Variants in GAS7 observed in about 807,000 individuals in gnomAD.
GAS7 encodes growth arrest-specific protein 7.
In GAS7, 28 loss-of-function variants were observed where a neutral mutation model predicts 71.1. That is an observed-to-expected ratio of 0.39 (90% CI 0.29 to 0.54). GAS7 has a LOEUF of 0.54. GAS7 is among the 20% of genes least tolerant of loss of function. The pLI is 0.62. For synonymous variants in GAS7, 258 were observed against 245.8 expected, an observed-to-expected ratio of 1.05 and a Z score of -0.46; for missense variants, 436 against 627.8, an observed-to-expected ratio of 0.69 and a Z score of 3.27.
rs776188465 is a variant in GAS7 at position 9,934,242 on chromosome 17, G to A, written c.809C>T (p.Ser270Phe). The change falls in exon 9 of 14, where the codon TCC becomes TTC. Residue 270 changes from serine (S) to phenylalanine (F), a missense_variant and splice_region_variant. Physicochemically the swap from Ser to Phe is radical, Grantham distance 155 (BLOSUM62 -2). Coordinates refer to ENST00000432992, the MANE Select transcript of GAS7 (RefSeq NM_201433.2). The part of the protein sequence containing the change: ...QNSLASQEEG[S>F]LGEAWAQVKK... ...CACCTGGGCCCACGCCTCTCCCAAG[G>A]AGCTGCAACACAAAGACCATGAGAC... 6.2e-7 allele frequency: 1 copy of A among 1,606,256 alleles called. No individual in the cohort carries two copies. Among genetic ancestry groups the A allele is most frequent in the Non-Finnish European group, 8.5e-7 (1 of 1,173,788 alleles).
chr17:9,993,223 A>G (rs2070913361), intron 2 of GAS7, among the ~76,000 whole-genome samples: 1 of 151,570 alleles, frequency 6.6e-6, no homozygotes, highest in Non-Finnish European at 1.5e-5. Flanking sequence ...TCCCACCAAC[A>G]GTGTAAAAGT....
chr17:10,145,489 T>C (rs547655032), intron 1 of GAS7, among the ~76,000 whole-genome samples: 1 of 152,258 alleles, frequency 6.6e-6, no homozygotes, highest in African/African-American at 2.4e-5. Flanking sequence ...GATGAAACCT[T>C]ACAAGGCCCT....
chr17:9,917,444 C>A lies in GAS7; in HGVS notation c.1318-103G>T, dbSNP rs913570248. The A allele has an allele frequency of 7.1e-6, 6 of 843,116 alleles. No individual in the cohort carries two copies. The South Asian group carries it at 8.9e-5, about 13-fold the overall frequency. The allele number at this position is 843,116 out of a possible 1,614,324, so 52.2% of individuals were successfully genotyped here. A position where few individuals can be genotyped will look rare whatever the true frequency, so the allele number is the denominator to read the frequency against. On this transcript the variant is annotated intron_variant, in intron 13 of 13. Transcript: ENST00000432992. ...CTCACCTTAGTGTCTCTGAGAGCAG[C>A]CTCTCTAGAGGGCTCCGGGGCCCCA...
chr17:9,993,289 T>C (rs1268181602), intron 2 of GAS7, among the ~76,000 whole-genome samples: 3 of 152,172 alleles, frequency 2.0e-5, no homozygotes, highest in Non-Finnish European at 2.9e-5. Flanking sequence ...TTTCTAATGA[T>C]TGCCATTCTA....
intron 1 of GAS7, among the ~76,000 whole-genome samples, chr17:10,138,661 G>A (rs61650536): frequency 0.11 from 17,425 of 152,018 alleles, 1,997 homozygotes; most frequent in East Asian, 0.45. Context: ...CAGCTACTCA[G>A]GAGGCTGAGG....
At position 9,915,679 on chromosome 17, in the gene GAS7, G is replaced by C. The variant is rs2067564597; in HGVS notation, c.*1549C>G. On this transcript the variant is annotated 3_prime_UTR_variant, in exon 14 of 14. Transcript: ENST00000432992. ...TTCTAGCACGTTGACTGAAAGACCA[G>C]TGAGTTGTGCTTGTTGAATTCTGCC... The C allele has an allele frequency of 4.3e-6, 1 of 229,988 alleles. No homozygotes were observed. The highest frequency in any genetic ancestry group is 2.2e-5 in the African/African-American group (1 of 45,184). The allele number at this position is 229,988 out of a possible 1,614,324, so 14.2% of individuals were successfully genotyped here. A position where few individuals can be genotyped will look rare whatever the true frequency, so the allele number is the denominator to read the frequency against.
intron 1 of GAS7, chr17:10,039,835 A>G (rs562013485): frequency 3.2e-5 from 14 of 440,320 alleles, no homozygotes; most frequent in Non-Finnish European, 6.4e-5. Flanking sequence ...GGGGTGTGGC[A>G]CCCTCTGGGG....
Position 9,954,778 on chromosome 17 carries a change from C to T in GAS7, c.525+4424G>A, listed in dbSNP as rs1164757466. On this transcript the variant is annotated intron_variant, in intron 5 of 13. Coordinates refer to ENST00000432992, the MANE Select transcript of GAS7 (RefSeq NM_201433.2). ...TCCCCACAACAAAGTGCTATCCAACCCAAAAGATCAATGGTGCTGAGGCTG... is the reference window on the plus strand; with the variant it reads ...TCCCCACAACAAAGTGCTATCCAACTCAAAAGATCAATGGTGCTGAGGCTG... Among the ~76,000 whole-genome samples, 3 of 152,058 alleles carry T rather than the reference C, an allele frequency of 2.0e-5. No individual in the cohort carries two copies. The East Asian group carries it at 5.8e-4, about 29-fold the overall frequency.
chr17:9,996,147 C>T (rs2071032283), intron 2 of GAS7, among the ~76,000 whole-genome samples: 1 of 152,122 alleles, frequency 6.6e-6, no homozygotes, highest in Non-Finnish European at 1.5e-5. Context: ...TGGCACTATT[C>T]ACAATAGCAA....
chr17:10,069,469 A>G (rs1250239489), intron 1 of GAS7, among the ~76,000 whole-genome samples: 2 of 152,136 alleles, frequency 1.3e-5, no homozygotes, highest in Admixed American at 1.3e-4. Flanking sequence ...CACTTCACAT[A>G]ATAACCACCA....
rs116596676 is a variant in GAS7, at chr17:9,935,048, G to A, written c.807-804C>T. Reference sequence around the variant, plus strand: ...CAGGCATAAGCCACCATGCCCAGCCGGAGAAGCTCTTTTCAAACAGCAGGT... The same window carrying A: ...CAGGCATAAGCCACCATGCCCAGCCAGAGAAGCTCTTTTCAAACAGCAGGT... On this transcript the variant is annotated intron_variant, in intron 8 of 13. Coordinates refer to ENST00000432992, the MANE Select transcript of GAS7 (RefSeq NM_201433.2). Among the ~76,000 whole-genome samples the A allele has an allele frequency of 7.3e-3, 1,113 of 152,290 alleles. 10 individuals carry two copies. The highest frequency in any genetic ancestry group is 0.025 in the African/African-American group (1,043 of 41,564).
rs73974330 is a variant in GAS7, at chr17:9,912,279, C to A, written c.*4949G>T. 0.04 allele frequency: 9,355 copies of A among 232,906 alleles called. 320 individuals are homozygous for A. The highest frequency in any genetic ancestry group is 0.11 in the African/African-American group (5,042 of 45,404). 14.4% of individuals were successfully genotyped at this position (232,906 alleles called of 1,614,324 possible). ...TATGCACGATTGTGCAGATGAGAGCCAGACACAGCATGAACACGTGTACAG... is the reference window on the plus strand; with the variant it reads ...TATGCACGATTGTGCAGATGAGAGCAAGACACAGCATGAACACGTGTACAG... On this transcript the variant is annotated 3_prime_UTR_variant, in exon 14 of 14. Transcript: ENST00000432992.
rs757152881 is a variant in GAS7 at position 9,981,238 on chromosome 17, C to T, written c.385+566G>A. On this transcript the variant is annotated intron_variant, in intron 3 of 13. Transcript: ENST00000432992. This position sits in a 1 kb window ranked among gnomAD's most constrained non-coding sequence, Gnocchi z 4.4. ...ACCCAGAAGGGGAGGTTGCAGTGAG[C>T]CGAGACTGCACCACTGCACTCCAGC... Among the ~76,000 whole-genome samples the T allele has an allele frequency of 6.6e-6, 1 of 152,006 alleles. No individual in the cohort carries two copies. Among genetic ancestry groups the T allele is most frequent in the Non-Finnish European group, 1.5e-5 (1 of 68,026 alleles).
At chr17:10,160,302 G>A (rs770932747) in intron 1 of GAS7, among the ~76,000 whole-genome samples, 13 of 152,110 alleles carry the variant, frequency 8.5e-5, no homozygotes, top group Non-Finnish European at 1.3e-4. Flanking sequence ...CAAGCAATTC[G>A]TAGAGATCTA....
chr17:10,186,906 A>C (rs2074458841), intron 1 of GAS7, among the ~76,000 whole-genome samples: 1 of 150,956 alleles, frequency 6.6e-6, no homozygotes, highest in Non-Finnish European at 1.5e-5. Context: ...AACAGAAACC[A>C]CTTTGCTGTA....
chr17:10,146,774 A>G (rs1041717813), intron 1 of GAS7, among the ~76,000 whole-genome samples: 14 of 152,026 alleles, frequency 9.2e-5, no homozygotes, highest in African/African-American at 3.1e-4. Flanking sequence ...CACGAGGTCA[A>G]GAGATCGAGA....
chr17:10,110,991 T>C (rs2073806238), intron 1 of GAS7, among the ~76,000 whole-genome samples: 1 of 152,198 alleles, frequency 6.6e-6, no homozygotes, highest in African/African-American at 2.4e-5. Context: ...TGTAAAACAT[T>C]ACGCGTCGAT....
chr17:9,934,452 T>C (rs2068320981), intron 8 of GAS7, among the ~76,000 whole-genome samples: 1 of 152,068 alleles, frequency 6.6e-6, no homozygotes, highest in African/African-American at 2.4e-5. Context: ...TGAGCTCACC[T>C]TACCTCTGGA....
At chr17:10,048,682 A>C (rs1019331619) in intron 1 of GAS7, among the ~76,000 whole-genome samples, 5 of 152,242 alleles carry the variant, frequency 3.3e-5, no homozygotes, top group Admixed American at 6.5e-5. Context: ...ATACAAATCC[A>C]TCAAGTTGTA....
Sources: allele counts gnomAD v4.1 joint callset (sites outside exome capture counted in the v4.1 genomes callset), GRCh38; gene constraint gnomAD v4.1.1; non-coding constraint Gnocchi (gnomAD v3.1); transcripts MANE v1.5; gene names NCBI Gene and HGNC (gene_info 2026-07-23, HGNC 2026-07-21).